Variants in SPAG16 observed in about 807,000 individuals in gnomAD.
SPAG16 encodes sperm associated antigen 16.
Under a neutral mutation model 80.4 loss-of-function variants are expected in SPAG16, and 86 were observed. The observed-to-expected ratio is 1.07, with a 90% CI of 0.90 to 1.28. The LOEUF (loss-of-function observed/expected upper bound fraction) is 1.28. Ranked by LOEUF, SPAG16 falls within the 50% of genes most tolerant of loss-of-function variation. The pLI is 0.00. For missense variants in SPAG16, 870 were observed against 765.3 expected, an observed-to-expected ratio of 1.14 and a Z score of -1.61; for synonymous variants, 294 against 265.9, an observed-to-expected ratio of 1.11 and a Z score of -1.03.
chr2:213,712,111 TGATATGGCCATG>T (rs1322870770), intron 10 of SPAG16, among the ~76,000 whole-genome samples: 1 of 152,138 alleles, frequency 6.6e-6, no homozygotes, highest in Non-Finnish European at 1.5e-5. Flanking sequence ...AGATGTACAA[TGATATGGCCATG>T]GATGTATATT....
chr2:213,520,448 G>C (rs916939156), intron 10 of SPAG16, among the ~76,000 whole-genome samples: 1 of 151,054 alleles, frequency 6.6e-6, no homozygotes, highest in African/African-American at 2.4e-5. Context: ...AAAAAAATTC[G>C]CTGGGCGTGG....
intron 15 of SPAG16, among the ~76,000 whole-genome samples, chr2:214,368,894 C>T (rs780560736): frequency 6.6e-6 from 1 of 151,970 alleles, no homozygotes; most frequent in East Asian, 1.9e-4. Context: ...AATTCTTTAT[C>T]ACCTCTACTC....
intron 13 of SPAG16, among the ~76,000 whole-genome samples, chr2:214,076,513 CTGTGTGTGTG>C (rs71399105): frequency 4.2e-5 from 6 of 143,330 alleles, no homozygotes; most frequent in Admixed American, 1.4e-4. Context: ...TTATTTTATT[CTGTGTGTGTG>C]TGTGTGTGTG....
chr2:213,378,319 A>G (rs556109923), intron 9 of SPAG16, among the ~76,000 whole-genome samples: 2 of 152,346 alleles, frequency 1.3e-5, no homozygotes, highest in East Asian at 1.9e-4. Context: ...TCAAGTTGAC[A>G]GTATTAACCA....
chr2:213,527,347 T>G (rs1400429818), intron 10 of SPAG16, among the ~76,000 whole-genome samples: 1 of 152,188 alleles, frequency 6.6e-6, no homozygotes, highest in South Asian at 2.1e-4. Context: ...TGGTTAACAT[T>G]CATATGCTTT....
At chr2:213,886,527 T>TAGCAGC (rs1349293433) in intron 11 of SPAG16, among the ~76,000 whole-genome samples, 1 of 152,016 alleles carries the variant, frequency 6.6e-6, no homozygotes, top group African/African-American at 2.4e-5. Context: ...ACAGCAACAG[T>TAGCAGC]AGCAGCAGCA....
intron 12 of SPAG16, among the ~76,000 whole-genome samples, chr2:213,969,526 A>G (rs1004255140): frequency 2.0e-4 from 30 of 152,256 alleles, no homozygotes; most frequent in Middle Eastern, 6.8e-3. Context: ...GAAGCTTCAC[A>G]TAGCATTTGG....
chr2:213,981,032 T>C (rs1429983259), intron 12 of SPAG16, among the ~76,000 whole-genome samples: 2 of 152,076 alleles, frequency 1.3e-5, no homozygotes, highest in Non-Finnish European at 2.9e-5. Flanking sequence ...CAGAAATTTG[T>C]TTCTCACAGT....
At chr2:213,779,872 C>T (rs1204537632) in intron 10 of SPAG16, among the ~76,000 whole-genome samples, 2 of 152,130 alleles carry the variant, frequency 1.3e-5, no homozygotes, top group African/African-American at 4.8e-5. Context: ...CTTGATAAGC[C>T]ACCAGTGGTG....
At chr2:214,020,655 A>G (rs897522823) in intron 13 of SPAG16, among the ~76,000 whole-genome samples, 3 of 152,198 alleles carry the variant, frequency 2.0e-5, no homozygotes, top group East Asian at 3.9e-4. Flanking sequence ...TCCTAAAGGA[A>G]AAAATGTATG....
chr2:213,317,811 G>T (rs1575175615), intron 5 of SPAG16: 1 of 834,564 alleles, frequency 1.2e-6, no homozygotes, highest in East Asian at 1.2e-4. Flanking sequence ...TGATATGTAG[G>T]TTCGTCAGTT....
rs1413135185 is a variant in SPAG16 at position 214,220,898 on chromosome 2, C to A, written c.1720+71632C>A. 2.0e-5 allele frequency among the ~76,000 whole-genome samples: 3 copies of A among 152,082 alleles called. No homozygotes were observed. The East Asian group carries it at 5.8e-4, about 29-fold the overall frequency. ...GGAGCATACTCACTACATTCTTTTT[C>A]CATATGGTTAAAAGAGAGTGATTCA... is the stretch of plus-strand genomic sequence containing the variant. On this transcript the variant is annotated intron_variant, in intron 15 of 15. Coordinates refer to ENST00000331683, the MANE Select transcript of SPAG16 (RefSeq NM_024532.5).
intron 14 of SPAG16, among the ~76,000 whole-genome samples, chr2:214,127,719 G>A (rs957142545): frequency 2.0e-5 from 3 of 151,750 alleles, no homozygotes; most frequent in African/African-American, 7.2e-5. Flanking sequence ...TTTCCCTACT[G>A]CATCAGTCCT....
chr2:213,698,265 G>T (rs370381708), intron 10 of SPAG16, among the ~76,000 whole-genome samples: 2 of 151,726 alleles, frequency 1.3e-5, no homozygotes, highest in Admixed American at 6.6e-5. Flanking sequence ...TTATTATGAT[G>T]ATTATTATTA....
chr2:213,319,378 G>A (rs1441680518), intron 5 of SPAG16, among the ~76,000 whole-genome samples: 1 of 151,856 alleles, frequency 6.6e-6, no homozygotes. Context: ...ATCTGTACTT[G>A]TAGAAATGTT....
At position 213,799,465 on chromosome 2, in the gene SPAG16, A is replaced by G. The variant is rs546194300; in HGVS notation, c.1071-63020A>G. Among the ~76,000 whole-genome samples, 5 of 152,282 alleles carry G rather than the reference A, an allele frequency of 3.3e-5. No individual in the cohort carries two copies. The East Asian group carries it at 9.6e-4, about 29-fold the overall frequency. ...TCAAATATTTTATGAGAGTTTAGAAAAGCCCACCCTAAATACATAATGATA... is the reference window on the plus strand; with the variant it reads ...TCAAATATTTTATGAGAGTTTAGAAGAGCCCACCCTAAATACATAATGATA... On this transcript the variant is annotated intron_variant, in intron 10 of 15. Transcript: ENST00000331683.
chr2:213,456,011 A>G (rs1426440675), intron 9 of SPAG16, among the ~76,000 whole-genome samples: 2 of 152,144 alleles, frequency 1.3e-5, no homozygotes, highest in African/African-American at 4.8e-5. Flanking sequence ...CCATTCCCCA[A>G]CTGCTAGAAT....
intron 10 of SPAG16, among the ~76,000 whole-genome samples, chr2:213,593,994 C>A (rs1348151812): frequency 1.3e-5 from 2 of 151,506 alleles, no homozygotes; most frequent in Non-Finnish European, 2.9e-5. Flanking sequence ...CCAGGATGGT[C>A]TCGATATCCT....
intron 15 of SPAG16, among the ~76,000 whole-genome samples, chr2:214,395,801 T>C (rs13034567): frequency 6.6e-6 from 1 of 152,062 alleles, no homozygotes; most frequent in Admixed American, 6.6e-5. Flanking sequence ...TCTGTTCCTG[T>C]GTTAGTTTGC....
Sources: allele counts gnomAD v4.1 joint callset (sites outside exome capture counted in the v4.1 genomes callset), GRCh38; gene constraint gnomAD v4.1.1; transcripts MANE v1.5; gene names NCBI Gene and HGNC (gene_info 2026-07-23, HGNC 2026-07-21).